IDH3G: variants seen among roughly 807,000 people sequenced by gnomAD.
The protein encoded by IDH3G is isocitrate dehydrogenase (NAD(+)) 3 non-catalytic subunit gamma, also known as isocitrate dehydrogenase [NAD] subunit gamma, mitochondrial.
Under a neutral mutation model 26.9 loss-of-function variants are expected in IDH3G, and 9 were observed. The ratio of observed to expected loss-of-function variants is 0.34; its 90% CI spans 0.20 to 0.58. The LOEUF (loss-of-function observed/expected upper bound fraction) is 0.58. Ranked by LOEUF, IDH3G falls within the 20% of genes least tolerant of loss-of-function variation. The pLI is 0.85. For synonymous variants in IDH3G, 181 were observed against 160.0 expected, an observed-to-expected ratio of 1.13 and a Z score of -0.99; for missense variants, 250 against 372.8, an observed-to-expected ratio of 0.67 and a Z score of 2.71.
chrX:153,790,947 T>G, intron 1 of IDH3G, 96 bp from the exon 2 acceptor site: 1 of 801,567 alleles, frequency 1.2e-6, no homozygotes, highest in Non-Finnish European at 1.9e-6. Context: ...CCCAGGCAGG[T>G]CCCCTGTCTG....
intron 5 of IDH3G, among the ~76,000 whole-genome samples, chrX:153,789,412 C>T (rs1353575099): frequency 2.7e-5 from 3 of 112,154 alleles, no homozygotes; most frequent in Admixed American, 1.9e-4. Flanking sequence ...GGCGTGGTGG[C>T]GGGCGCCTGT....
At chrX:153,790,962 G>A (rs1001972850) in intron 1 of IDH3G, 111 bp from the exon 2 acceptor site, 4 of 662,703 alleles carry the variant, frequency 6.0e-6, no homozygotes, top group Non-Finnish European at 9.7e-6. Context: ...TGTCTGTGCA[G>A]CATGGCCCAC....
Position 153,794,225 on chromosome X carries a change from CG to C in IDH3G, c.81+20del. ...TCCCCTGCGACCGCTGCCGCGGTCC[CG>C]TGGCTCTTTCCCTGCTCACCTCCCA... is the stretch of plus-strand genomic sequence containing the variant. On this transcript the variant is annotated intron_variant, in intron 1 of 12. Transcript: ENST00000217901. The C allele has an allele frequency of 8.5e-7, 1 of 1,173,958 alleles. No individual in the cohort carries two copies. Among genetic ancestry groups the C allele is most frequent in the Non-Finnish European group, 1.1e-6 (1 of 875,772 alleles).
Position 153,789,697 on chromosome X carries a change from G to A in IDH3G, c.346+15C>T, listed in dbSNP as rs1205781464. On this transcript the variant is annotated intron_variant, in intron 5 of 12. Transcript: ENST00000217901. The stretch of plus-strand genomic sequence containing the variant: ...CACCTAGGGCCCCATCCTGGCCCCT[G>A]GCCCTGGAGCTCACCCTTCAGGGCC... 6.6e-6 allele frequency: 7 copies of A among 1,066,134 alleles called. No individual in the cohort carries two copies. Among genetic ancestry groups the A allele is most frequent in the Non-Finnish European group, 9.1e-6 (7 of 771,994 alleles). 87.9% of individuals were successfully genotyped at this position (1,066,134 alleles called of 1,213,427 possible).
chrX:153,787,979 C>A, intron 6 of IDH3G, 24 bp from the exon 7 acceptor site: 1 of 1,210,231 alleles, frequency 8.3e-7, no homozygotes, highest in Non-Finnish European at 1.1e-6. Flanking sequence ...GAGAAAGAGG[C>A]TGCTAGGCCT....
At chrX:153,787,302 C>T in intron 8 of IDH3G, 149 bp from the exon 9 acceptor site, 3 of 789,109 alleles carry the variant, frequency 3.8e-6, no homozygotes, top group South Asian at 4.8e-5. Context: ...CCCACCTCCC[C>T]TAAGTGTGGG....
rs189686846 is a variant in IDH3G at position 153,788,958 on chromosome X, C to G, written c.346+754G>C. Among the ~76,000 whole-genome samples, 6 of 112,165 alleles carry G rather than the reference C, an allele frequency of 5.3e-5. No homozygotes were observed. In the South Asian group the frequency reaches 1.5e-3, roughly 28 times the overall value. On this transcript the variant is annotated intron_variant, in intron 5 of 12. Coordinates refer to ENST00000217901, the MANE Select transcript of IDH3G (RefSeq NM_004135.4). ...GCAGCCGAGGAGCCAGGCAGAGGGT[C>G]GGAACTGCATCTCTGTGATACCTGG...
At position 153,786,813 on chromosome X, in the gene IDH3G, C is replaced by T. The variant is rs782293628; in HGVS notation, c.912G>A (p.Ala304=). 1.7e-6 allele frequency: 2 copies of T among 1,207,988 alleles called. No individual in the cohort carries two copies. The highest frequency in any genetic ancestry group is 1.8e-5 in the South Asian group (1 of 56,860). Residue 304 remains alanine, a synonymous_variant, in exon 10 of 13, where the codon GCG becomes GCA. Coordinates refer to ENST00000217901, the MANE Select transcript of IDH3G (RefSeq NM_004135.4). ...CACCGGCACTCACTGTTTCAAACAC[C>T]GCGTACACATGGCCATAGTTGGCCC... is the stretch of plus-strand genomic sequence containing the variant. ...VAGANYGHVY[A]VFETATRNTG... is the part of the protein sequence containing the mutation.
At chrX:153,792,181 T>A (rs1163002714) in intron 1 of IDH3G, 1 of 111,390 alleles carries the variant, frequency 9.0e-6, no homozygotes, top group African/African-American at 3.3e-5. Flanking sequence ...CCTCAACCCC[T>A]GAGCCCGAGA....
At position 153,790,088 on chromosome X, in the gene IDH3G, G is replaced by A. The variant is rs1056403828; in HGVS notation, c.233+107C>T. On this transcript the variant is annotated intron_variant, in intron 4 of 12. Transcript: ENST00000217901. ...GACGCAAGGCCTGGGCTTACAGGTC[G>A]TCTTGCCATGGCCTCACCGAGTGCT... 437 of 649,788 alleles carry A rather than the reference G, an allele frequency of 6.7e-4. 2 individuals are homozygous for A. The highest frequency in any genetic ancestry group is 6.7e-4 in the Non-Finnish European group (270 of 402,427). The allele number at this position is 649,788 out of a possible 1,213,427, so 53.5% of individuals were successfully genotyped here. A position where few individuals can be genotyped will look rare whatever the true frequency, so the allele number is the denominator to read the frequency against.
At chrX:153,786,016 C>A (rs782530864) in intron 12 of IDH3G, 43 bp from the exon 13 acceptor site, 1 of 1,209,888 alleles carries the variant, frequency 8.3e-7, no homozygotes, top group Non-Finnish European at 1.1e-6. Flanking sequence ...GGCCCTGCCA[C>A]CCCCCGCTGT....
In IDH3G at chrX:153,789,698, G is replaced by A. The variant is rs1557070000; in HGVS notation, c.346+14C>T. ...ACCTAGGGCCCCATCCTGGCCCCTG[G>A]CCCTGGAGCTCACCCTTCAGGGCCA... is the stretch of plus-strand genomic sequence containing the variant. On this transcript the variant is annotated intron_variant, in intron 5 of 12. Coordinates refer to ENST00000217901, the MANE Select transcript of IDH3G (RefSeq NM_004135.4). 1 of 1,072,099 alleles carries A rather than the reference G, an allele frequency of 9.3e-7. No individual in the cohort carries two copies. Among genetic ancestry groups the A allele is most frequent in the Non-Finnish European group, 1.3e-6 (1 of 776,296 alleles). 88.4% of individuals were successfully genotyped at this position (1,072,099 alleles called of 1,213,427 possible).
In IDH3G at chrX:153,794,349, A is replaced by C. The variant is rs781864444; in HGVS notation, c.-23T>G. The C allele has an allele frequency of 1.7e-6, 2 of 1,182,390 alleles. No homozygotes were observed. The highest frequency in any genetic ancestry group is 2.3e-6 in the Non-Finnish European group (2 of 881,262). On this transcript the variant is annotated 5_prime_UTR_variant, in exon 1 of 13. Transcript: ENST00000217901. ...CATGACGGAAAGTGAGAGCCTCCGC[A>C]CGTCCCGACACGCAGATACCGCTCT...
intron 1 of IDH3G, chrX:153,793,393 G>T (rs2092117715): frequency 8.9e-6 from 1 of 111,934 alleles, no homozygotes; most frequent in Non-Finnish European, 1.9e-5. Flanking sequence ...CTGGGGAGTG[G>T]CCGCAAAGTC....
Position 153,786,812 on chromosome X carries a change from C to T in IDH3G, c.913G>A (p.Val305Met). Residue 305 changes from valine to methionine, a missense_variant, in exon 10 of 13, where the codon GTG becomes ATG. Around this residue, in one of 2 missense-constraint regions of IDH3G, gnomAD observed 201 missense variants for 331.3 expected, o/e 0.61. Coordinates refer to ENST00000217901, the MANE Select transcript of IDH3G (RefSeq NM_004135.4). ...AGANYGHVYA[V>M]FETATRNTGK... ...CCACCGGCACTCACTGTTTCAAACA[C>T]CGCGTACACATGGCCATAGTTGGCC... is the stretch of plus-strand genomic sequence containing the variant. The T allele has an allele frequency of 5.8e-6, 7 of 1,208,179 alleles. No individual in the cohort carries two copies. Among genetic ancestry groups the T allele is most frequent in the Non-Finnish European group, 7.8e-6 (7 of 892,756 alleles).
chrX:153,790,426 C>G, intron 3 of IDH3G, 134 bp from the exon 4 acceptor site: 2 of 878,052 alleles, frequency 2.3e-6, no homozygotes, highest in Non-Finnish European at 3.3e-6. Flanking sequence ...AAGGTGCCAA[C>G]TTGGGGCAGC....
Position 153,789,812 on chromosome X carries a change from T to C in IDH3G, c.246A>G (p.Val82=), listed in dbSNP as rs1603255771. The C allele has an allele frequency of 1.7e-6, 2 of 1,189,109 alleles. No individual in the cohort carries two copies. The highest frequency in any genetic ancestry group is 2.3e-6 in the Non-Finnish European group (2 of 878,026). ...HVKSVFRHAC[V]PVDFEEVHVS... ...CGTGCACCTCTTCAAAGTCCACTGGTACACATGCGTGCCTGAGGCACGGCA... is the reference window on the plus strand; with the variant it reads ...CGTGCACCTCTTCAAAGTCCACTGGCACACATGCGTGCCTGAGGCACGGCA... Residue 82 remains valine (V), a synonymous_variant, in exon 5 of 13, where the codon GTA becomes GTG. Coordinates refer to ENST00000217901, the MANE Select transcript of IDH3G (RefSeq NM_004135.4).
chrX:153,790,094 C>T, intron 4 of IDH3G, 101 bp downstream of exon 4: 1 of 692,091 alleles, frequency 1.4e-6, no homozygotes, highest in Middle Eastern at 3.0e-4. Context: ...GGTCGTCTTG[C>T]CATGGCCTCA....
At chrX:153,791,852 A>G (rs2092110496) in intron 1 of IDH3G, among the ~76,000 whole-genome samples, 1 of 112,406 alleles carries the variant, frequency 8.9e-6, no homozygotes, top group Non-Finnish European at 1.9e-5. Flanking sequence ...GCCAGGGGCT[A>G]GGAGAGGGTG....
Sources: allele counts gnomAD v4.1 joint callset (sites outside exome capture counted in the v4.1 genomes callset), GRCh38; gene constraint gnomAD v4.1.1; regional missense constraint gnomAD v4.1.1; transcripts MANE v1.5; gene names NCBI Gene and HGNC (gene_info 2026-07-23, HGNC 2026-07-21).